FOLH1: variants seen among roughly 807,000 people sequenced by gnomAD.
The protein encoded by FOLH1 is folate hydrolase 1.
In FOLH1, 54 loss-of-function variants were observed where a neutral mutation model predicts 93.9. That is an observed-to-expected ratio of 0.57 (90% CI 0.46 to 0.72). The LOEUF (loss-of-function observed/expected upper bound fraction) is 0.72, where lower values mean the gene tolerates loss of function less well. Ranked by LOEUF, FOLH1 falls within the 30% of genes least tolerant of loss-of-function variation. The probability of loss-of-function intolerance (pLI) is 0.00; values close to 1 mark genes in which losing one functional copy is unlikely to be tolerated. For synonymous variants in FOLH1, 249 were observed against 303.6 expected (o/e 0.82, Z 1.87); for missense variants, 571 against 892.5 (o/e 0.64, Z 4.59).
intron 15 of FOLH1, 43 bp from the exon 16 acceptor site, chr11:49,154,535 A>G: frequency 6.4e-7 from 1 of 1,561,854 alleles, no homozygotes; most frequent in Non-Finnish European, 8.7e-7. Context: ...AGGATAGCTT[A>G]CAAAAAATGA....
In FOLH1 at chr11:49,146,164, T is replaced by C. The variant is rs1023324375; in HGVS notation, c.*592A>G. On this transcript the variant is annotated 3_prime_UTR_variant, in exon 19 of 19. Coordinates refer to ENST00000256999, the MANE Select transcript of FOLH1 (RefSeq NM_004476.3). ...GATATTAGAAATGTTATTTTCTTCATATGGCTATTAGGTTCACAAGTGTTC... is the reference window on the plus strand; with the variant it reads ...GATATTAGAAATGTTATTTTCTTCACATGGCTATTAGGTTCACAAGTGTTC... Among the ~76,000 whole-genome samples, 1 of 152,234 alleles carries C rather than the reference T, an allele frequency of 6.6e-6. No individual in the cohort carries two copies. Among genetic ancestry groups the C allele is most frequent in the African/African-American group, 2.4e-5 (1 of 41,468 alleles).
chr11:49,153,464 C>T (rs1188124922), intron 17 of FOLH1, among the ~76,000 whole-genome samples: 1 of 151,648 alleles, frequency 6.6e-6, no homozygotes, highest in African/African-American at 2.4e-5. Context: ...CTGGAAACAG[C>T]TGGGGTCACA....
chr11:49,147,458 T>G (rs1855899276), intron 18 of FOLH1, among the ~76,000 whole-genome samples: 1 of 149,226 alleles, frequency 6.7e-6, no homozygotes, highest in Non-Finnish European at 1.5e-5. Context: ...TTTTTTTTTG[T>G]CTTTTTTTAA....
At chr11:49,206,457 A>G in intron 1 of FOLH1, 2 of 627,890 alleles carry the variant, frequency 3.2e-6, no homozygotes, top group African/African-American at 3.7e-5. Flanking sequence ...TCAGGACGAA[A>G]ATAAAATGAC....
intron 12 of FOLH1, among the ~76,000 whole-genome samples, chr11:49,166,789 G>A (rs1171968190): frequency 1.3e-5 from 2 of 152,100 alleles, no homozygotes; most frequent in African/African-American, 4.8e-5. Context: ...CTTTGTTCTC[G>A]ATTTTGAAAA....
At chr11:49,192,607 A>C (rs761586136) in intron 4 of FOLH1, 186 bp downstream of exon 4, 1 of 381,766 alleles carries the variant, frequency 2.6e-6, no homozygotes, top group Non-Finnish European at 4.7e-6. Context: ...TGTATCTTTA[A>C]AAATACCATT....
At chr11:49,190,455 T>G (rs1456892059) in intron 4 of FOLH1, among the ~76,000 whole-genome samples, 3 of 152,236 alleles carry the variant, frequency 2.0e-5, no homozygotes, top group Non-Finnish European at 4.4e-5. Flanking sequence ...TCTTGCACTC[T>G]TAGCCCGGAA....
chr11:49,186,237 G>T, intron 5 of FOLH1: 1 of 195,006 alleles, frequency 5.1e-6, no homozygotes, highest in Non-Finnish European at 1.0e-5. Flanking sequence ...TCAAATGACA[G>T]TAATTTTTAA....
intron 2 of FOLH1, among the ~76,000 whole-genome samples, chr11:49,202,704 T>G (rs117545461): frequency 0.02 from 3,088 of 152,342 alleles, 46 homozygotes; most frequent in Non-Finnish European, 0.032. Flanking sequence ...CATTTCATCT[T>G]GTTTACAAAT....
chr11:49,206,569 A>G (rs1863987360), intron 1 of FOLH1, among the ~76,000 whole-genome samples: 1 of 152,128 alleles, frequency 6.6e-6, no homozygotes, highest in African/African-American at 2.4e-5. Context: ...TCCTCTGCTG[A>G]CTCAAATAAG....
intron 13 of FOLH1, 50 bp from the exon 14 acceptor site, chr11:49,158,093 A>T: frequency 6.7e-7 from 1 of 1,497,850 alleles, no homozygotes; most frequent in Non-Finnish European, 9.0e-7. Context: ...CAGATATATT[A>T]AAAACTAGAT....
intron 2 of FOLH1, 110 bp from the exon 3 acceptor site, chr11:49,200,551 TA>T: frequency 8.5e-7 from 1 of 1,169,868 alleles, no homozygotes; most frequent in Non-Finnish European, 1.2e-6. Flanking sequence ...TGTGATACGT[TA>T]AAAAATTAAA....
rs1189343364 is a variant in FOLH1 at position 49,154,420 on chromosome 11, A to T, written c.1696T>A (p.Tyr566Asn). 5 of 1,611,872 alleles carry T rather than the reference A, an allele frequency of 3.1e-6. No homozygotes were observed. In the Admixed American group the frequency reaches 5.0e-5, roughly 16 times the overall value. Residue 566 changes from tyrosine to asparagine, a missense_variant, in exon 16 of 19, where the codon TAT becomes AAT. Tyr to Asn is a moderately radical substitution (Grantham distance 143, BLOSUM62 -2). This residue lies in a region of FOLH1 where 500 missense variants were observed against 822.9 expected (regional missense o/e 0.61). Coordinates refer to ENST00000256999, the MANE Select transcript of FOLH1 (RefSeq NM_004476.3). ...AGGTGATATTTAAACATTGGATCAT[A>T]AAACTTTTCCACCAACTCATATGTT... Reference protein sequence around the residue: ...YETYELVEKFYDPMFKYHLTV... With the variant: ...YETYELVEKFNDPMFKYHLTV...
Position 49,185,705 on chromosome 11 carries a change from C to T in FOLH1, c.790G>A (p.Ala264Thr). The part of the protein sequence containing the change: ...QRGNILNLNG[A>T]GDPLTPGYPA... Reference sequence around the variant, plus strand: ...TAACCTGGTGTGAGAGGGTCTCCTGCACCATTCAGATTTAGGATATTTCCA... The same window carrying T: ...TAACCTGGTGTGAGAGGGTCTCCTGTACCATTCAGATTTAGGATATTTCCA... The change falls in exon 6 of 19, where the codon GCA becomes ACA. Residue 264 changes from alanine (A) to threonine (T), a missense_variant. By Grantham distance (58) the Ala-to-Thr change is moderately conservative (BLOSUM62 0). Around this residue, in one of 2 missense-constraint regions of FOLH1, gnomAD observed 500 missense variants for 822.9 expected, o/e 0.61. Coordinates refer to ENST00000256999, the MANE Select transcript of FOLH1 (RefSeq NM_004476.3). The T allele has an allele frequency of 1.9e-6, 3 of 1,613,816 alleles. No individual in the cohort carries two copies. The highest frequency in any genetic ancestry group is 2.5e-6 in the Non-Finnish European group (3 of 1,179,820).
chr11:49,208,152 A>T (rs2135368071), intron 1 of FOLH1, 140 bp downstream of exon 1: 1 of 648,784 alleles, frequency 1.5e-6, no homozygotes, highest in South Asian at 2.0e-5. Flanking sequence ...AGGGGTGCTC[A>T]CCCCACATTA....
intron 13 of FOLH1, among the ~76,000 whole-genome samples, chr11:49,163,386 C>A (rs1200519351): frequency 6.6e-6 from 1 of 152,086 alleles, no homozygotes; most frequent in Non-Finnish European, 1.5e-5. Context: ...CTGTGCTGTG[C>A]TGGGGTACCG....
intron 7 of FOLH1, among the ~76,000 whole-genome samples, chr11:49,181,258 C>G (rs868401313): frequency 6.6e-6 from 1 of 151,846 alleles, no homozygotes; most frequent in Admixed American, 6.6e-5. Context: ...CAGGCATGCA[C>G]CAGCATGCCC....
intron 17 of FOLH1, among the ~76,000 whole-genome samples, chr11:49,150,011 A>G (rs541260730): frequency 6.6e-6 from 1 of 152,142 alleles, no homozygotes; most frequent in Non-Finnish European, 1.5e-5. Flanking sequence ...GCTGGAGTGC[A>G]GTGGCTTAAT....
intron 7 of FOLH1, among the ~76,000 whole-genome samples, chr11:49,177,963 C>CA (rs5791876): frequency 2.3e-4 from 30 of 131,488 alleles, no homozygotes; most frequent in African/African-American, 4.3e-4. Flanking sequence ...AACTCAGTCT[C>CA]AAAAAAAAAA....
Sources: gnomAD v4.1 joint callset for allele counts (sites outside exome capture counted in the v4.1 genomes callset) on GRCh38, gnomAD v4.1.1 for gene constraint, gnomAD v4.1.1 regional missense constraint, MANE v1.5 for transcripts, NCBI Gene and HGNC (gene_info 2026-07-23, HGNC 2026-07-21) for gene names.